LARGE1: variants seen among roughly 807,000 people sequenced by gnomAD.
LARGE1 encodes LARGE xylosyl- and glucuronyltransferase 1, also known as xylosyl- and glucuronyltransferase LARGE1.
In LARGE1, 43 loss-of-function variants were observed where a neutral mutation model predicts 87.6. That is an observed-to-expected ratio of 0.49 (90% confidence interval 0.38 to 0.63). The LOEUF (loss-of-function observed/expected upper bound fraction) is 0.63. LARGE1 is among the 30% of genes least tolerant of loss of function. LARGE1 has a pLI of 0.00. For missense variants in LARGE1, 802 were observed against 1,000.2 expected, an observed-to-expected ratio of 0.80 and a Z score of 2.67; for synonymous variants, 434 against 394.6, an observed-to-expected ratio of 1.10 and a Z score of -1.18.
At chr22:33,351,519 C>G (rs1940373067) in intron 9 of LARGE1, among the ~76,000 whole-genome samples, 1 of 151,922 alleles carries the variant, frequency 6.6e-6, no homozygotes, top group Non-Finnish European at 1.5e-5. Context: ...AAGAGTCCTG[C>G]ATTATAACCC....
At chr22:33,145,166 A>G in the LARGE1 span, among the ~76,000 whole-genome samples, 1 of 152,180 alleles carries the variant, frequency 6.6e-6, no homozygotes, top group Non-Finnish European at 1.5e-5. Flanking sequence ...ATACAAAAAC[A>G]TATGATTCTA....
chr22:33,155,225 A>G, the LARGE1 span, among the ~76,000 whole-genome samples: 1 of 152,224 alleles, frequency 6.6e-6, no homozygotes. Flanking sequence ...ACATTTTTAC[A>G]GGTAGAGGTA....
chr22:33,686,321 G>A (rs990462919), intron 2 of LARGE1, among the ~76,000 whole-genome samples: 1 of 151,772 alleles, frequency 6.6e-6, no homozygotes, highest in Admixed American at 6.6e-5. Flanking sequence ...TCGAACCCCT[G>A]TTCAAGACCA....
intron 7 of LARGE1, among the ~76,000 whole-genome samples, chr22:33,428,245 C>T (rs2066947771): frequency 1.3e-5 from 2 of 151,940 alleles, no homozygotes; most frequent in Non-Finnish European, 2.9e-5. Context: ...TACTTTGTGC[C>T]CTGGATCAGG....
intron 11 of LARGE1, among the ~76,000 whole-genome samples, chr22:33,248,609 G>A (rs1436964884): frequency 6.6e-6 from 1 of 152,180 alleles, no homozygotes; most frequent in Non-Finnish European, 1.5e-5. Context: ...TTTACTCTTG[G>A]TGTGGTCCAT....
chr22:33,192,586 C>T (rs1477731859), intron 11 of LARGE1, among the ~76,000 whole-genome samples: 2 of 152,186 alleles, frequency 1.3e-5, no homozygotes, highest in Non-Finnish European at 2.9e-5. Context: ...ATCAGATGTA[C>T]AGTTAACAAA....
intron 3 of LARGE1, among the ~76,000 whole-genome samples, chr22:33,631,287 C>T (rs2080104640): frequency 6.6e-6 from 1 of 152,164 alleles, no homozygotes; most frequent in African/African-American, 2.4e-5. Context: ...CCCGTCTCAG[C>T]TTCCAGAGTA....
At chr22:33,663,144 C>T (rs1163878517) in intron 2 of LARGE1, among the ~76,000 whole-genome samples, 2 of 152,184 alleles carry the variant, frequency 1.3e-5, no homozygotes, top group Middle Eastern at 3.4e-3. Context: ...TTATCGAAAC[C>T]GATCAGGGAG....
chr22:33,438,995 G>T (rs1338953385), intron 6 of LARGE1, among the ~76,000 whole-genome samples: 1 of 152,100 alleles, frequency 6.6e-6, no homozygotes, highest in East Asian at 1.9e-4. Flanking sequence ...TGGATCACTT[G>T]AAGTCAGGAG....
At chr22:33,630,091 C>CA (rs758269425) in intron 3 of LARGE1, among the ~76,000 whole-genome samples, 1 of 152,044 alleles carries the variant, frequency 6.6e-6, no homozygotes, top group Admixed American at 6.6e-5. Flanking sequence ...CCCAGCTACT[C>CA]AGGAGGCTGA....
chr22:33,759,087 C>T (rs570436744), intron 2 of LARGE1, among the ~76,000 whole-genome samples: 1 of 152,188 alleles, frequency 6.6e-6, no homozygotes, highest in East Asian at 1.9e-4. Flanking sequence ...ATAAAGTCAC[C>T]CTGAGAAAAA....
intron 4 of LARGE1, among the ~76,000 whole-genome samples, chr22:33,615,577 C>G (rs2079557763): frequency 6.6e-6 from 1 of 151,928 alleles, no homozygotes; most frequent in Non-Finnish European, 1.5e-5. Context: ...GGAAAAGGGT[C>G]CATTCCTACC....
chr22:33,681,173 G>C lies in LARGE1; in HGVS notation c.107-30505C>G, dbSNP rs148403108. On this transcript the variant is annotated intron_variant, in intron 2 of 14. Coordinates refer to ENST00000397394, the MANE Select transcript of LARGE1 (RefSeq NM_133642.5). ...ATAATTTGTACTTGTACATCTTTAA[G>C]GTAGATTTATATCTGAAATTGTCAA... Among the ~76,000 whole-genome samples the C allele has an allele frequency of 4.5e-3, 690 of 152,250 alleles. 2 individuals carry two copies. The highest frequency in any genetic ancestry group is 6.8e-3 in the Middle Eastern group (2 of 294).
At chr22:33,074,607 G>C in the LARGE1 span, among the ~76,000 whole-genome samples, 1 of 151,288 alleles carries the variant, frequency 6.6e-6, no homozygotes, top group African/African-American at 2.4e-5. Context: ...CCAGGGAGAC[G>C]GAGGATGCAG....
chr22:33,896,071 C>T (rs1451055216), intron 1 of LARGE1, among the ~76,000 whole-genome samples: 2 of 152,236 alleles, frequency 1.3e-5, no homozygotes, highest in African/African-American at 4.8e-5. Context: ...CTGTCTCCCC[C>T]TTAAAAGCTC....
chr22:33,897,233 C>A (rs2065169051), intron 1 of LARGE1, among the ~76,000 whole-genome samples: 1 of 152,212 alleles, frequency 6.6e-6, no homozygotes, highest in Non-Finnish European at 1.5e-5. Flanking sequence ...CTGGCTACCA[C>A]ATTCAGAAGG....
the LARGE1 span, among the ~76,000 whole-genome samples, chr22:33,145,479 G>A: frequency 1.3e-5 from 2 of 152,164 alleles, no homozygotes; most frequent in African/African-American, 2.4e-5. Flanking sequence ...GGTCTCATGA[G>A]GAATGGTATC....
At chr22:33,812,883 G>A (rs1192777588) in intron 1 of LARGE1, among the ~76,000 whole-genome samples, 1 of 152,192 alleles carries the variant, frequency 6.6e-6, no homozygotes, top group Admixed American at 6.5e-5. Context: ...GAAGTCCATA[G>A]CCTCCTCAAG....
At chr22:33,116,732 C>G in the LARGE1 span, among the ~76,000 whole-genome samples, 2 of 152,112 alleles carry the variant, frequency 1.3e-5, no homozygotes, top group African/African-American at 2.4e-5. Flanking sequence ...TGGGTTGAAA[C>G]AAAAGGGAAC....
Sources: allele counts gnomAD v4.1 joint callset (sites outside exome capture counted in the v4.1 genomes callset), GRCh38; gene constraint gnomAD v4.1.1; transcripts MANE v1.5; gene names NCBI Gene and HGNC (gene_info 2026-07-23, HGNC 2026-07-21).